PRLR: variants seen among roughly 807,000 people sequenced by gnomAD.
PRLR encodes the protein hPRL receptor.
PRLR carries 13 observed loss-of-function variants against 40.2 expected under a neutral mutation model. The ratio of observed to expected loss-of-function variants is 0.32; its 90% CI spans 0.21 to 0.51. The LOEUF is 0.51. PRLR is among the 20% of genes least tolerant of loss of function. The pLI is 0.97. For missense variants in PRLR, 656 were observed against 747.3 expected (o/e 0.88, Z 1.42); for synonymous variants, 269 against 278.7 (o/e 0.97, Z 0.35).
At position 35,063,976 on chromosome 5, in the gene PRLR, GTCATTCACTTCA is replaced by G. The variant is rs1769196019; in HGVS notation, c.*1101_*1112del. 1 of 152,104 alleles carries G rather than the reference GTCATTCACTTCA, an allele frequency of 6.6e-6. No individual in the cohort carries two copies. Among genetic ancestry groups the G allele is most frequent in the Non-Finnish European group, 1.5e-5 (1 of 68,018 alleles). 9.4% of individuals were successfully genotyped at this position (152,104 alleles called of 1,614,324 possible). A position where few individuals can be genotyped will look rare whatever the true frequency, so the allele number is the denominator to read the frequency against. ...TATATTGCGTTGAAAACTGAATTTT[GTCATTCACTTCA>G]TATTTCACAGTGGGCTTTGGGTTGG... On this transcript the variant is annotated 3_prime_UTR_variant, in exon 10 of 10. Transcript: ENST00000618457.
intron 1 of PRLR, among the ~76,000 whole-genome samples, chr5:35,189,514 G>C (rs1775541852): frequency 6.6e-6 from 1 of 151,832 alleles, no homozygotes; most frequent in Non-Finnish European, 1.5e-5. Context: ...CCGGGAGGCA[G>C]AGGTTGTAGT....
At chr5:35,101,760 T>C (rs1329383454) in intron 2 of PRLR, among the ~76,000 whole-genome samples, 1 of 148,350 alleles carries the variant, frequency 6.7e-6, no homozygotes, top group Admixed American at 6.8e-5. Flanking sequence ...TATATACATA[T>C]AAAACATAAA....
chr5:35,190,112 C>A (rs57765245), intron 1 of PRLR, among the ~76,000 whole-genome samples: 1 of 152,304 alleles, frequency 6.6e-6, no homozygotes, highest in African/African-American at 2.4e-5. Context: ...TATGAGACAA[C>A]ACATTTCTGT....
intron 1 of PRLR, among the ~76,000 whole-genome samples, chr5:35,169,642 G>A (rs772776042): frequency 6.6e-6 from 1 of 152,140 alleles, no homozygotes; most frequent in Non-Finnish European, 1.5e-5. Context: ...TTTTAGCAAT[G>A]ATTCTTATGA....
Position 35,070,144 on chromosome 5 carries a change from G to A in PRLR, c.665C>T (p.Thr222Ile), listed in dbSNP as rs1448071283. Reference sequence around the variant, plus strand: ...CTCACCACTAGGTATCTGAATGAAGGTCGCTGGACTCCATGCACTCCAGTA... The same window carrying A: ...CTCACCACTAGGTATCTGAATGAAGATCGCTGGACTCCATGCACTCCAGTA... ...HGYWSAWSPATFIQIPSDFTM... is the reference protein window; with the variant it reads ...HGYWSAWSPAIFIQIPSDFTM... Residue 222 changes from threonine to isoleucine, a missense_variant, in exon 7 of 10, where the codon ACC becomes ATC. Physicochemically the swap from Thr to Ile is moderately conservative, Grantham distance 89. This residue lies in a region of PRLR where 469 missense variants were observed against 491.5 expected (regional missense o/e 0.95). Transcript: ENST00000618457. 3 of 1,612,008 alleles carry A rather than the reference G, an allele frequency of 1.9e-6. No individual in the cohort carries two copies. The highest frequency in any genetic ancestry group is 8.5e-7 in the Non-Finnish European group (1 of 1,179,638).
chr5:35,113,584 C>T (rs1772831291), intron 2 of PRLR, among the ~76,000 whole-genome samples: 1 of 152,216 alleles, frequency 6.6e-6, no homozygotes, highest in Non-Finnish European at 1.5e-5. Context: ...ATCTGTTAAT[C>T]CTTCAACAAA....
At chr5:35,113,884 C>A (rs536370743) in intron 2 of PRLR, among the ~76,000 whole-genome samples, 1 of 152,322 alleles carries the variant, frequency 6.6e-6, no homozygotes. Flanking sequence ...CTGGGTCTGG[C>A]AGACACTGCT....
Position 35,097,980 on chromosome 5 carries a change from T to C in PRLR, c.-43-8317A>G, listed in dbSNP as rs375491763. 2.2e-4 allele frequency among the ~76,000 whole-genome samples: 33 copies of C among 152,244 alleles called. 2 individuals are homozygous for C. The East Asian group carries it at 5.4e-3, about 25-fold the overall frequency. ...TCCTCTCTACGGGAAATGTTGTATTTAGAACTTAGATAGAGGCATTGGGGG... is the reference window on the plus strand; with the variant it reads ...TCCTCTCTACGGGAAATGTTGTATTCAGAACTTAGATAGAGGCATTGGGGG... On this transcript the variant is annotated intron_variant, in intron 2 of 9. Transcript: ENST00000618457.
downstream of PRLR, among the ~76,000 whole-genome samples, chr5:35,053,211 C>T (rs78762574): frequency 9.8e-3 from 1,492 of 152,202 alleles, 32 homozygotes; most frequent in African/African-American, 0.035. Flanking sequence ...AAGAAAGAGA[C>T]ATAAGAGGTA....
intron 1 of PRLR, among the ~76,000 whole-genome samples, chr5:35,203,354 A>G (rs1296241464): frequency 6.6e-6 from 1 of 152,220 alleles, no homozygotes; most frequent in East Asian, 1.9e-4. Context: ...GCTACAGCAG[A>G]TGTCTTGCTC....
intron 2 of PRLR, among the ~76,000 whole-genome samples, chr5:35,096,797 T>C (rs1771559569): frequency 6.6e-6 from 1 of 152,084 alleles, no homozygotes; most frequent in Non-Finnish European, 1.5e-5. Flanking sequence ...ATTTTTGTAT[T>C]TTCAGTAGAG....
chr5:35,167,375 C>T (rs569409894), intron 1 of PRLR, among the ~76,000 whole-genome samples: 4 of 152,140 alleles, frequency 2.6e-5, no homozygotes, highest in Middle Eastern at 3.4e-3. Flanking sequence ...TGTCACTGGG[C>T]TAGGGGCTGC....
At chr5:35,140,671 G>C (rs935679241) in intron 1 of PRLR, among the ~76,000 whole-genome samples, 1 of 152,198 alleles carries the variant, frequency 6.6e-6, no homozygotes, top group Non-Finnish European at 1.5e-5. Flanking sequence ...GATGACAACT[G>C]TATACAGTAA....
chr5:35,168,702 A>G (rs1380024695), intron 1 of PRLR, among the ~76,000 whole-genome samples: 2 of 152,290 alleles, frequency 1.3e-5, no homozygotes, highest in East Asian at 3.9e-4. Flanking sequence ...TAGGCTGAGC[A>G]ATGATTGTTC....
At position 35,206,487 on chromosome 5, in the gene PRLR, T is replaced by C. The variant is rs1435160275; in HGVS notation, c.-106+23781A>G. 2.0e-5 allele frequency among the ~76,000 whole-genome samples: 3 copies of C among 152,078 alleles called. No homozygotes were observed. The East Asian group carries it at 5.8e-4, about 29-fold the overall frequency. ...AGAGAAGTCATATAATATAAAATATTTACTGACAGTAACATGAATAAAAAA... is the reference window on the plus strand; with the variant it reads ...AGAGAAGTCATATAATATAAAATATCTACTGACAGTAACATGAATAAAAAA... On this transcript the variant is annotated intron_variant, in intron 1 of 9. Transcript: ENST00000618457.
intron 9 of PRLR, among the ~76,000 whole-genome samples, chr5:35,066,443 C>T (rs991841881): frequency 2.0e-5 from 3 of 152,194 alleles, no homozygotes; most frequent in Non-Finnish European, 4.4e-5. Context: ...GCATCTGACA[C>T]TGCGGCCCAC....
chr5:35,216,415 G>A (rs1235259975), intron 1 of PRLR, among the ~76,000 whole-genome samples: 1 of 152,066 alleles, frequency 6.6e-6, no homozygotes. Context: ...AAAAGGAGTT[G>A]GGGGCTTATG....
intron 1 of PRLR, among the ~76,000 whole-genome samples, chr5:35,179,910 T>A (rs1775248212): frequency 6.6e-6 from 1 of 152,206 alleles, no homozygotes; most frequent in African/African-American, 2.4e-5. Flanking sequence ...ACATTACATT[T>A]ATTGTGCACT....
At chr5:35,109,895 C>T (rs1772537715) in intron 2 of PRLR, among the ~76,000 whole-genome samples, 1 of 152,202 alleles carries the variant, frequency 6.6e-6, no homozygotes, top group Admixed American at 6.5e-5. Context: ...ATAAATGATG[C>T]TGCTATAAAG....
Sources: allele counts gnomAD v4.1 joint callset (sites outside exome capture counted in the v4.1 genomes callset), GRCh38; gene constraint gnomAD v4.1.1; regional missense constraint gnomAD v4.1.1; transcripts MANE v1.5; gene names NCBI Gene and HGNC (gene_info 2026-07-23, HGNC 2026-07-21).